FAM184A: variants seen among roughly 807,000 people sequenced by gnomAD.
FAM184A encodes the protein protein FAM184A.
Under a neutral mutation model 143.8 loss-of-function variants are expected in FAM184A, and 99 were observed. That is an observed-to-expected ratio of 0.69 (90% CI 0.58 to 0.81). The LOEUF (loss-of-function observed/expected upper bound fraction) is 0.81, where lower values mean the gene tolerates loss of function less well. Ranked by LOEUF, FAM184A falls within the 40% of genes least tolerant of loss-of-function variation. The pLI is 0.00. For synonymous variants in FAM184A, 427 were observed against 446.4 expected (o/e 0.96, Z 0.55); for missense variants, 1,217 against 1,310.5 (o/e 0.93, Z 1.10).
At chr6:119,057,696 T>C (rs905129009) in intron 1 of FAM184A, among the ~76,000 whole-genome samples, 2 of 152,166 alleles carry the variant, frequency 1.3e-5, no homozygotes, top group African/African-American at 4.8e-5. Flanking sequence ...TAAGCCGTGA[T>C]TGAGCCTGTG....
chr6:119,050,408 CAA>C (rs1786706303), intron 1 of FAM184A, among the ~76,000 whole-genome samples: 1 of 151,362 alleles, frequency 6.6e-6, no homozygotes, highest in Admixed American at 6.6e-5. Flanking sequence ...TTCACAATAG[CAA>C]AGACATGGAA....
chr6:119,081,934 G>C (rs1186295800), upstream of FAM184A, among the ~76,000 whole-genome samples: 1 of 152,226 alleles, frequency 6.6e-6, no homozygotes, highest in Non-Finnish European at 1.5e-5. Context: ...AGCTGCCTGT[G>C]TGTTCCTCCA....
chr6:119,148,947 C>T (rs999551116), intron 1 of FAM184A: 15 of 152,098 alleles, frequency 9.9e-5, no homozygotes, highest in Non-Finnish European at 2.1e-4. Context: ...CTCTTCAGCA[C>T]GCATCCCACC....
At chr6:118,972,158 G>A (rs1380250636) in intron 14 of FAM184A, among the ~76,000 whole-genome samples, 7 of 152,140 alleles carry the variant, frequency 4.6e-5, no homozygotes, top group Non-Finnish European at 2.9e-5. Context: ...CTGCATTTAA[G>A]GATATGAAAC....
intron 1 of FAM184A, among the ~76,000 whole-genome samples, chr6:119,032,843 T>A (rs1378193658): frequency 3.3e-5 from 5 of 152,236 alleles, no homozygotes; most frequent in African/African-American, 1.2e-4. Context: ...TATTATTAAA[T>A]CTTCAATTCT....
At chr6:119,113,245 T>C (rs1788977272) in intron 1 of FAM184A, among the ~76,000 whole-genome samples, 1 of 152,144 alleles carries the variant, frequency 6.6e-6, no homozygotes, top group Non-Finnish European at 1.5e-5. Flanking sequence ...ATTACAACTG[T>C]GGCCAGGAAA....
intron 1 of FAM184A, among the ~76,000 whole-genome samples, chr6:119,059,058 A>G (rs1389436812): frequency 1.3e-5 from 2 of 151,990 alleles, no homozygotes; most frequent in Admixed American, 1.3e-4. Flanking sequence ...GTGCACTGGC[A>G]CAATCTCAGC....
rs577933478 is a variant in FAM184A at position 119,057,984 on chromosome 6, A to C, written c.159+20157T>G. On this transcript the variant is annotated intron_variant, in intron 1 of 17. Coordinates refer to ENST00000338891, the MANE Select transcript of FAM184A (RefSeq NM_024581.6). ...AAATGACTGGCTTTAAAAAAAAAAA[A>C]AAAAAACTTTGTGGCTAACCACTGA... The C allele has an allele frequency of 2.0e-3, 307 of 151,514 alleles. 6 individuals are homozygous for C. Among genetic ancestry groups the C allele is most frequent in the African/African-American group, 7.1e-3 (294 of 41,406 alleles). The allele number at this position is 151,514 out of a possible 1,614,324, so 9.4% of individuals were successfully genotyped here. A position where few individuals can be genotyped will look rare whatever the true frequency, so the allele number is the denominator to read the frequency against.
At chr6:118,965,206 T>TTTG (rs1491305127) in intron 15 of FAM184A, among the ~76,000 whole-genome samples, 2 of 214 alleles carry the variant, frequency 9.3e-3, no homozygotes, top group African/African-American at 0.018. Flanking sequence ...TTTTTGTTTG[T>TTTG]TTTTTTTTTT....
intron 6 of FAM184A, among the ~76,000 whole-genome samples, chr6:119,009,814 G>T (rs943515855): frequency 2.6e-5 from 4 of 152,120 alleles, no homozygotes; most frequent in Non-Finnish European, 5.9e-5. Flanking sequence ...CACTGAAACC[G>T]CAGTGTGTAA....
intron 1 of FAM184A, among the ~76,000 whole-genome samples, chr6:119,048,765 G>C (rs1343427022): frequency 6.6e-6 from 1 of 152,144 alleles, no homozygotes; most frequent in Non-Finnish European, 1.5e-5. Context: ...CAGAGGCTGG[G>C]AAGGGTAATG....
intron 1 of FAM184A, among the ~76,000 whole-genome samples, chr6:119,072,386 G>A (rs1403466677): frequency 1.3e-5 from 2 of 152,222 alleles, no homozygotes; most frequent in Non-Finnish European, 2.9e-5. Context: ...CATTTGGCAT[G>A]TACTAGTGCT....
At chr6:119,055,511 A>G (rs1786936528) in intron 1 of FAM184A, among the ~76,000 whole-genome samples, 1 of 152,212 alleles carries the variant, frequency 6.6e-6, no homozygotes, top group African/African-American at 2.4e-5. Flanking sequence ...ACCCACCAAC[A>G]ATGTATAGGG....
At chr6:119,084,181 G>A (rs961722401) in intron 1 of FAM184A, among the ~76,000 whole-genome samples, 1 of 152,160 alleles carries the variant, frequency 6.6e-6, no homozygotes, top group Non-Finnish European at 1.5e-5. Flanking sequence ...TAGCATGGGA[G>A]AAATTGTCCC....
intron 1 of FAM184A, among the ~76,000 whole-genome samples, chr6:119,062,451 C>G (rs528226286): frequency 4.9e-4 from 75 of 152,102 alleles, no homozygotes; most frequent in Non-Finnish European, 8.8e-4. Flanking sequence ...ATTGCTTGAG[C>G]CCTGGAATAA....
Position 119,020,110 on chromosome 6 carries a change from A to C in FAM184A, c.1200T>G (p.Ile400Met), listed in dbSNP as rs1347146857. 6.2e-7 allele frequency: 1 copy of C among 1,608,376 alleles called. No homozygotes were observed. The highest frequency in any genetic ancestry group is 8.5e-7 in the Non-Finnish European group (1 of 1,178,400). ...TCGATTTTTCTGATTCTAAATCTTT[A>C]ATTGTAACTTCCTGGGTCATTTGAG... is the stretch of plus-strand genomic sequence containing the variant. ...QATQMTQEVT[I>M]KDLESEKSRV... The change falls in exon 4 of 18, where the codon ATT (isoleucine) becomes ATG (methionine). Residue 400 changes from isoleucine (I) to methionine (M), a missense_variant. Coordinates refer to ENST00000338891, the MANE Select transcript of FAM184A (RefSeq NM_024581.6).
intron 1 of FAM184A, among the ~76,000 whole-genome samples, chr6:119,043,370 A>G (rs1473103535): frequency 1.3e-5 from 2 of 152,350 alleles, no homozygotes; most frequent in Non-Finnish European, 2.9e-5. Context: ...AGGTAAGAAC[A>G]TGGGCAAGTG....
chr6:119,080,052 T>C (rs577356166), upstream of FAM184A, among the ~76,000 whole-genome samples: 3 of 152,248 alleles, frequency 2.0e-5, no homozygotes, highest in Non-Finnish European at 4.4e-5. Flanking sequence ...TTTCATCAAA[T>C]TCTAGGCATG....
chr6:119,140,566 C>G (rs1251681401), intron 1 of FAM184A, among the ~76,000 whole-genome samples: 2 of 152,216 alleles, frequency 1.3e-5, no homozygotes, highest in African/African-American at 4.8e-5. Flanking sequence ...TCTTTCAGTC[C>G]TTGTAATCAG....
Sources: allele counts gnomAD v4.1 joint callset (sites outside exome capture counted in the v4.1 genomes callset), GRCh38; gene constraint gnomAD v4.1.1; transcripts MANE v1.5; gene names NCBI Gene and HGNC (gene_info 2026-07-23, HGNC 2026-07-21).